FRY: variants seen among roughly 807,000 people sequenced by gnomAD.
FRY encodes FRY microtubule binding protein, also known as protein furry homolog.
FRY carries 128 observed loss-of-function variants against 348.4 expected under a neutral mutation model. The observed-to-expected ratio is 0.37, with a 90% CI of 0.32 to 0.43. The LOEUF is 0.43. FRY is among the 20% of genes least tolerant of loss of function. The pLI is 1.00. For synonymous variants in FRY, 1,370 were observed against 1,374.7 expected, an observed-to-expected ratio of 1.00 and a Z score of 0.08; for missense variants, 2,736 against 3,695.2, an observed-to-expected ratio of 0.74 and a Z score of 6.73.
chr13:32,265,473 G>A lies in FRY; in HGVS notation c.7803G>A (p.Glu2601=). The A allele has an allele frequency of 6.2e-7, 1 of 1,614,120 alleles. No homozygotes were observed. The highest frequency in any genetic ancestry group is 8.5e-7 in the Non-Finnish European group (1 of 1,180,028). Reference sequence around the variant, plus strand: ...AGGCTGAAGCTGTTCGTGAGGAGGAGGACACCACCGTGCATGAGGATGATC... The same window carrying A: ...AGGCTGAAGCTGTTCGTGAGGAGGAAGACACCACCGTGCATGAGGATGATC... ...GSKAEAVREE[E]DTTVHEDDLS... The change falls in exon 54 of 61, where the codon GAG becomes GAA. Residue 2601 remains glutamate (E), a synonymous_variant. Coordinates refer to ENST00000542859, the MANE Select transcript of FRY (RefSeq NM_023037.3).
chr13:32,110,337 G>A (rs1877875829), intron 3 of FRY, among the ~76,000 whole-genome samples: 1 of 152,042 alleles, frequency 6.6e-6, no homozygotes. Flanking sequence ...TTTCTTCGTT[G>A]TACAGACATC....
At position 32,224,399 on chromosome 13, in the gene FRY, G is replaced by C; in HGVS notation, c.4916+14G>C. ...GCCACTCCACAGGTGAGCAGCATGTGTGGGGAGAAGGAAATCTTAGCTTTG... is the reference window on the plus strand; with the variant it reads ...GCCACTCCACAGGTGAGCAGCATGTCTGGGGAGAAGGAAATCTTAGCTTTG... On this transcript the variant is annotated intron_variant, in intron 37 of 60. Coordinates refer to ENST00000542859, the MANE Select transcript of FRY (RefSeq NM_023037.3). The C allele has an allele frequency of 1.9e-6, 3 of 1,612,528 alleles. No homozygotes were observed. The highest frequency in any genetic ancestry group is 2.5e-6 in the Non-Finnish European group (3 of 1,179,156).
intron 2 of FRY, among the ~76,000 whole-genome samples, chr13:32,080,900 CA>C (rs1287198450): frequency 1.3e-5 from 2 of 152,210 alleles, no homozygotes; most frequent in Non-Finnish European, 2.9e-5. Context: ...TGAAGTTGTA[CA>C]AAAGTTCAAA....
chr13:32,202,280 T>C, intron 30 of FRY, 76 bp from the exon 31 acceptor site: 7 of 1,159,312 alleles, frequency 6.0e-6, no homozygotes, highest in African/African-American at 1.5e-5. Context: ...TTCTAACCTT[T>C]GTTAAATACA....
chr13:32,181,635 A>G (rs1882718872), intron 23 of FRY, among the ~76,000 whole-genome samples: 1 of 151,780 alleles, frequency 6.6e-6, no homozygotes, highest in African/African-American at 2.4e-5. Flanking sequence ...CAATCCCTGA[A>G]ATTACCCAAC....
chr13:32,079,022 G>A lies in FRY; in HGVS notation c.259G>A (p.Ala87Thr), dbSNP rs752479049. 5.6e-6 allele frequency: 9 copies of A among 1,611,996 alleles called. No individual in the cohort carries two copies. The highest frequency in any genetic ancestry group is 5.9e-6 in the Non-Finnish European group (7 of 1,178,100). The change falls in exon 2 of 61, where the codon GCA becomes ACA. Residue 87 changes from alanine (A) to threonine (T), a missense_variant. This residue lies in a region of FRY where 309 missense variants were observed against 418.1 expected (regional missense o/e 0.74). Coordinates refer to ENST00000542859, the MANE Select transcript of FRY (RefSeq NM_023037.3). ...TGAACGCAAGATTCGTATCATTATG[G>A]CAGAGCCCCTGGTGAGTACATGCCG... Reference protein sequence around the residue: ...QAERKIRIIMAEPLEKPLTKS... With the variant: ...QAERKIRIIMTEPLEKPLTKS...
Position 32,230,102 on chromosome 13 carries a change from A to G in FRY, c.5406-1077A>G, listed in dbSNP as rs187536242. 5.9e-3 allele frequency among the ~76,000 whole-genome samples: 896 copies of G among 152,306 alleles called. 7 individuals are homozygous for G. The highest frequency in any genetic ancestry group is 7.4e-3 in the Non-Finnish European group (500 of 68,014). On this transcript the variant is annotated intron_variant, in intron 40 of 60. Coordinates refer to ENST00000542859, the MANE Select transcript of FRY (RefSeq NM_023037.3). Reference sequence around the variant, plus strand: ...AAGTTCAAGGGTGCATGTGCAGGGTATGCAGGTTTGTTACATAGGTAAACG... The same window carrying G: ...AAGTTCAAGGGTGCATGTGCAGGGTGTGCAGGTTTGTTACATAGGTAAACG...
At chr13:32,172,042 A>G (rs1400492990) in intron 18 of FRY, among the ~76,000 whole-genome samples, 2 of 33,474 alleles carry the variant, frequency 6.0e-5, no homozygotes, top group East Asian at 1.1e-3. Context: ...AAGGATGTAG[A>G]TGTGGATATG....
At chr13:32,246,525 TG>T (rs1430079753) in intron 47 of FRY, among the ~76,000 whole-genome samples, 1 of 152,310 alleles carries the variant, frequency 6.6e-6, no homozygotes. Context: ...AGCAGCAGCC[TG>T]GGGGAGATGA....
intron 1 of FRY, among the ~76,000 whole-genome samples, chr13:32,045,187 G>C (rs1241883413): frequency 6.6e-6 from 1 of 152,102 alleles, no homozygotes; most frequent in East Asian, 1.9e-4. Flanking sequence ...CAGTAATGCT[G>C]AATTTCGCTA....
chr13:32,265,172 G>A (rs1020241156), intron 53 of FRY, among the ~76,000 whole-genome samples: 2 of 152,158 alleles, frequency 1.3e-5, no homozygotes, highest in African/African-American at 2.4e-5. Flanking sequence ...CAAGTTTAGC[G>A]TTCATACCCT....
intron 29 of FRY, 82 bp downstream of exon 29, chr13:32,194,379 G>A: frequency 3.2e-6 from 4 of 1,252,678 alleles, no homozygotes; most frequent in East Asian, 2.3e-5. Flanking sequence ...GAGCTGTTTT[G>A]CAACTATATG....
Position 32,178,992 on chromosome 13 carries a change from A to G in FRY, c.2830A>G (p.Met944Val), listed in dbSNP as rs1162457336. 1.2e-6 allele frequency: 2 copies of G among 1,614,060 alleles called. No individual in the cohort carries two copies. The highest frequency in any genetic ancestry group is 1.7e-6 in the Non-Finnish European group (2 of 1,179,910). ...CTTAAGAGCTTCCACTCCAGAAATA[A>G]TGGCGACCACACCTGATGGTACAGT... The part of the protein sequence containing the change: ...GHLRASTPEI[M>V]ATTPDGTVSY... The change falls in exon 22 of 61, where the codon ATG becomes GTG. Residue 944 changes from methionine (M) to valine (V), a missense_variant. By Grantham distance (21) the Met-to-Val change is conservative. Around this residue, in one of 9 missense-constraint regions of FRY, gnomAD observed 449 missense variants for 576.9 expected, o/e 0.78. Transcript: ENST00000542859.
chr13:32,041,283 C>CTTTTTTT (rs11286980), intron 1 of FRY, among the ~76,000 whole-genome samples: 3 of 65,006 alleles, frequency 4.6e-5, no homozygotes, highest in Non-Finnish European at 5.7e-5. Context: ...TAATCTTCTG[C>CTTTTTTT]TTTTTTTTTT....
At chr13:32,148,051 A>G in intron 13 of FRY, 104 bp downstream of exon 13, 1 of 756,522 alleles carries the variant, frequency 1.3e-6, no homozygotes, top group South Asian at 1.4e-5. Flanking sequence ...TTAGCATCTT[A>G]CGTGTTTAGA....
intron 1 of FRY, among the ~76,000 whole-genome samples, chr13:32,033,038 A>C (rs1872322407): frequency 6.6e-6 from 1 of 152,174 alleles, no homozygotes; most frequent in Non-Finnish European, 1.5e-5. Flanking sequence ...GTGCATCTCT[A>C]AATGATATCC....
At chr13:32,145,745 C>T (rs1032039034) in intron 11 of FRY, among the ~76,000 whole-genome samples, 4 of 151,228 alleles carry the variant, frequency 2.6e-5, no homozygotes, top group African/African-American at 7.3e-5. Context: ...GGGGTTTCAC[C>T]TTGTTAGCCA....
chr13:32,290,864 G>T (rs1889307136), intron 59 of FRY, among the ~76,000 whole-genome samples: 1 of 152,072 alleles, frequency 6.6e-6, no homozygotes, highest in Admixed American at 6.5e-5. Context: ...TGAGACTCAG[G>T]TTCCATCTTA....
At chr13:32,268,589 T>C (rs1295931556) in intron 55 of FRY, among the ~76,000 whole-genome samples, 10 of 146,076 alleles carry the variant, frequency 6.8e-5, no homozygotes, top group African/African-American at 2.5e-4. Context: ...ATGAAAATTA[T>C]ACACCAGAAT....
Sources: gnomAD v4.1 joint callset for allele counts (sites outside exome capture counted in the v4.1 genomes callset) on GRCh38, gnomAD v4.1.1 for gene constraint, gnomAD v4.1.1 regional missense constraint, MANE v1.5 for transcripts, NCBI Gene and HGNC (gene_info 2026-07-23, HGNC 2026-07-21) for gene names.